The following NEGR1 variants were observed in gnomAD, a reference collection of about 807,000 sequenced individuals.
NEGR1 encodes the protein neuronal growth regulator 1, also known as IgLON family member 4.
Under a neutral mutation model 40.9 loss-of-function variants are expected in NEGR1, and 10 were observed. The ratio of observed to expected loss-of-function variants is 0.24; its 90% CI spans 0.15 to 0.42. The LOEUF (loss-of-function observed/expected upper bound fraction) is 0.42, where lower values mean the gene tolerates loss of function less well. Among genes scored for constraint, NEGR1 ranks in the 10% least tolerant of loss-of-function variants. NEGR1 has a pLI of 1.00. For missense variants in NEGR1, 352 were observed against 438.9 expected, an observed-to-expected ratio of 0.80 and a Z score of 1.77; for synonymous variants, 185 against 166.8, an observed-to-expected ratio of 1.11 and a Z score of -0.84.
chr1:72,048,856 T>C (rs1056977618), intron 1 of NEGR1, among the ~76,000 whole-genome samples: 2 of 151,638 alleles, frequency 1.3e-5, no homozygotes, highest in African/African-American at 4.8e-5. Flanking sequence ...AAAAAGGATA[T>C]CCTAGAGATA....
chr1:71,717,237 C>A (rs75142761), intron 3 of NEGR1, among the ~76,000 whole-genome samples: 8 of 152,208 alleles, frequency 5.3e-5, no homozygotes, highest in Admixed American at 6.5e-5. Context: ...CTATCTTCCT[C>A]AAGTGACAAT....
chr1:71,413,102 A>G (rs1191344513), intron 6 of NEGR1, among the ~76,000 whole-genome samples: 1 of 152,208 alleles, frequency 6.6e-6, no homozygotes, highest in Non-Finnish European at 1.5e-5. Context: ...AACCTAGGCA[A>G]GTTTCTTAAC....
At chr1:72,113,012 A>G (rs2821245) in intron 1 of NEGR1, among the ~76,000 whole-genome samples, 147,842 of 151,794 alleles carry the variant, frequency 0.97, 72,024 homozygotes, top group East Asian at 1. Context: ...TCCGACTTCC[A>G]CAATTTAGTG....
intron 1 of NEGR1, among the ~76,000 whole-genome samples, chr1:72,225,032 G>A (rs933299878): frequency 6.6e-6 from 1 of 151,976 alleles, no homozygotes; most frequent in African/African-American, 2.4e-5. Flanking sequence ...TGAACACCAA[G>A]GGAGAACTGA....
intron 1 of NEGR1, among the ~76,000 whole-genome samples, chr1:71,997,518 T>A (rs1256980216): frequency 6.6e-6 from 1 of 152,042 alleles, no homozygotes; most frequent in African/African-American, 2.4e-5. Flanking sequence ...TTTCAAATAA[T>A]GCTTACAACT....
At chr1:71,868,471 A>ACATAC (rs370312326) in intron 2 of NEGR1, among the ~76,000 whole-genome samples, 27 of 148,124 alleles carry the variant, frequency 1.8e-4, no homozygotes, top group Non-Finnish European at 3.3e-4. Flanking sequence ...AGATAGACAG[A>ACATAC]ATACATACAT....
chr1:71,863,898 T>A (rs1450155396), intron 2 of NEGR1, among the ~76,000 whole-genome samples: 1 of 152,154 alleles, frequency 6.6e-6, no homozygotes, highest in Non-Finnish European at 1.5e-5. Context: ...AGGTGTTAAT[T>A]AGTTTATACA....
At chr1:72,180,940 T>C (rs1004412355) in intron 1 of NEGR1, among the ~76,000 whole-genome samples, 2 of 152,088 alleles carry the variant, frequency 1.3e-5, no homozygotes, top group Non-Finnish European at 2.9e-5. Context: ...AGCTGTTTCT[T>C]TGAGCAAAAT....
intron 2 of NEGR1, among the ~76,000 whole-genome samples, chr1:71,884,044 C>A (rs1660656914): frequency 6.6e-6 from 1 of 151,938 alleles, no homozygotes; most frequent in Non-Finnish European, 1.5e-5. Flanking sequence ...AACCATAACA[C>A]CATCCTACCT....
intron 2 of NEGR1, among the ~76,000 whole-genome samples, chr1:71,783,591 C>T (rs1435444916): frequency 6.6e-6 from 1 of 152,124 alleles, no homozygotes; most frequent in Non-Finnish European, 1.5e-5. Flanking sequence ...TAAATTCAAA[C>T]TTGCCAAATT....
At chr1:71,688,957 T>C (rs964111370) in intron 4 of NEGR1, among the ~76,000 whole-genome samples, 13 of 152,132 alleles carry the variant, frequency 8.5e-5, no homozygotes, top group African/African-American at 2.9e-4. Context: ...CAGTATCCCA[T>C]AGTTTATAAG....
chr1:71,591,402 T>A (rs1442830647), intron 6 of NEGR1, among the ~76,000 whole-genome samples: 1 of 152,196 alleles, frequency 6.6e-6, no homozygotes, highest in Non-Finnish European at 1.5e-5. Flanking sequence ...AAAATCAGAA[T>A]GTAATTTAGA....
chr1:72,195,987 T>C (rs764844621), intron 1 of NEGR1, among the ~76,000 whole-genome samples: 9 of 152,056 alleles, frequency 5.9e-5, no homozygotes, highest in Non-Finnish European at 8.8e-5. Context: ...TCAGGTTCAC[T>C]CACTCCCTTC....
chr1:71,644,997 A>C (rs624358), intron 4 of NEGR1, among the ~76,000 whole-genome samples: 70,429 of 151,704 alleles, frequency 0.46, 16,519 homozygotes, highest in East Asian at 0.67. Context: ...TACTAGCTGT[A>C]CTCACACAAT....
intron 1 of NEGR1, among the ~76,000 whole-genome samples, chr1:72,276,788 A>T (rs1316385475): frequency 6.6e-6 from 1 of 152,128 alleles, no homozygotes; most frequent in Admixed American, 6.5e-5. Flanking sequence ...TTCACTATGC[A>T]TCTATCAAGG....
At chr1:71,464,087 C>T (rs2101347317) in intron 6 of NEGR1, among the ~76,000 whole-genome samples, 1 of 152,126 alleles carries the variant, frequency 6.6e-6, no homozygotes, top group South Asian at 2.1e-4. Context: ...GCAAAGGCTC[C>T]ATGTAGTTAA....
At chr1:71,751,126 C>T (rs1232554320) in intron 3 of NEGR1, among the ~76,000 whole-genome samples, 1 of 151,202 alleles carries the variant, frequency 6.6e-6, no homozygotes, top group Non-Finnish European at 1.5e-5. Flanking sequence ...CCTTTTTTAG[C>T]CTGATATTAC....
chr1:71,721,609 G>A (rs1320982613), intron 3 of NEGR1, among the ~76,000 whole-genome samples: 1 of 152,142 alleles, frequency 6.6e-6, no homozygotes, highest in African/African-American at 2.4e-5. Flanking sequence ...TTCTTTGTGT[G>A]TGTGGCTGTG....
chr1:71,720,491 T>C (rs1329768244), intron 3 of NEGR1, among the ~76,000 whole-genome samples: 1 of 152,136 alleles, frequency 6.6e-6, no homozygotes, highest in Admixed American at 6.6e-5. Context: ...ATTCTTTCAG[T>C]TGAAGGCATT....
Sources: allele counts gnomAD v4.1 joint callset (sites outside exome capture counted in the v4.1 genomes callset), GRCh38; gene constraint gnomAD v4.1.1; transcripts MANE v1.5; gene names NCBI Gene and HGNC (gene_info 2026-07-23, HGNC 2026-07-21).